Variants in CACNA2D3 observed in about 807,000 individuals in gnomAD.
CACNA2D3 encodes calcium voltage-gated channel auxiliary subunit alpha2delta 3.
CACNA2D3 carries 60 observed loss-of-function variants against 160.6 expected under a neutral mutation model. The ratio of observed to expected loss-of-function variants is 0.37; its 90% CI spans 0.30 to 0.46. The LOEUF (loss-of-function observed/expected upper bound fraction) is 0.46, where lower values mean the gene tolerates loss of function less well. Ranked by LOEUF, CACNA2D3 falls within the 20% of genes least tolerant of loss-of-function variation. The probability of loss-of-function intolerance (pLI) is 1.00; values close to 1 mark genes in which losing one functional copy is unlikely to be tolerated. For missense variants in CACNA2D3, 1,205 were observed against 1,365.0 expected (o/e 0.88, Z 1.85); for synonymous variants, 558 against 492.9 (o/e 1.13, Z -1.75).
At position 54,405,033 on chromosome 3, in the gene CACNA2D3, T is replaced by C. The variant is rs545250798; in HGVS notation, c.381+18259T>C. Among the ~76,000 whole-genome samples, 78 of 151,946 alleles carry C rather than the reference T, an allele frequency of 5.1e-4. No individual in the cohort carries two copies. In the Middle Eastern group the frequency reaches 0.01, roughly 20 times the overall value. On this transcript the variant is annotated intron_variant, in intron 4 of 37. Transcript: ENST00000474759. ...TGAAGAGGACACAAATAGAAAGATA[T>C]TTCATGCTCATGAATTGGAAGAATT...
At chr3:54,195,953 A>G (rs1440616344) in intron 2 of CACNA2D3, among the ~76,000 whole-genome samples, 1 of 152,204 alleles carries the variant, frequency 6.6e-6, no homozygotes, top group Non-Finnish European at 1.5e-5. Flanking sequence ...TTTAATAAAC[A>G]CTGAATTTTC....
chr3:54,444,050 C>T (rs1700184036), intron 4 of CACNA2D3, among the ~76,000 whole-genome samples: 3 of 152,244 alleles, frequency 2.0e-5, no homozygotes, highest in Admixed American at 6.5e-5. Context: ...AGTGGAGACC[C>T]GGGCCACATT....
chr3:54,466,782 G>A (rs1043357179), intron 4 of CACNA2D3, among the ~76,000 whole-genome samples: 2 of 152,348 alleles, frequency 1.3e-5, no homozygotes, highest in Non-Finnish European at 2.9e-5. Flanking sequence ...ATAATTATAA[G>A]TATAGCTAGA....
intron 13 of CACNA2D3, among the ~76,000 whole-genome samples, chr3:54,802,081 G>T (rs1703002942): frequency 6.6e-6 from 1 of 152,138 alleles, no homozygotes; most frequent in Non-Finnish European, 1.5e-5. Flanking sequence ...CTTACCCCCT[G>T]CAGGGTTATC....
At chr3:54,409,166 C>G (rs138386443) in intron 4 of CACNA2D3, among the ~76,000 whole-genome samples, 4 of 152,102 alleles carry the variant, frequency 2.6e-5, no homozygotes, top group African/African-American at 9.7e-5. Context: ...TTACTGGTGC[C>G]GTTTTTTCCA....
intron 2 of CACNA2D3, among the ~76,000 whole-genome samples, chr3:54,300,561 C>A (rs893716841): frequency 2.0e-5 from 3 of 152,206 alleles, no homozygotes; most frequent in Non-Finnish European, 2.9e-5. Context: ...TTCATTCATG[C>A]CTTTTCTCCC....
Position 55,015,908 on chromosome 3 carries a change from G to C in CACNA2D3, c.2876-2298G>C, listed in dbSNP as rs531023005. On this transcript the variant is annotated intron_variant, in intron 34 of 37. Transcript: ENST00000474759. ...GATGTTCCCACCACGTGCCTCTTCT[G>C]TGTTGTTACTGTTGGGCCTGGAGCA... is the stretch of plus-strand genomic sequence containing the variant. 1.7e-4 allele frequency among the ~76,000 whole-genome samples: 26 copies of C among 152,198 alleles called. 1 individual carries two copies. Among genetic ancestry groups the C allele is most frequent in the Admixed American group, 5.2e-4 (8 of 15,278 alleles).
intron 4 of CACNA2D3, among the ~76,000 whole-genome samples, chr3:54,412,080 A>G (rs1699676490): frequency 6.6e-6 from 1 of 152,194 alleles, no homozygotes; most frequent in African/African-American, 2.4e-5. Context: ...TGAACTTTAT[A>G]AAAAATAGAA....
At chr3:54,160,740 A>C (rs142721299) in intron 2 of CACNA2D3, among the ~76,000 whole-genome samples, 1 of 152,206 alleles carries the variant, frequency 6.6e-6, no homozygotes, top group African/African-American at 2.4e-5. Context: ...CGTTGTTTCA[A>C]GTTTTCTGTG....
At chr3:54,294,827 C>G (rs1417969276) in intron 2 of CACNA2D3, among the ~76,000 whole-genome samples, 1 of 152,144 alleles carries the variant, frequency 6.6e-6, no homozygotes, top group Non-Finnish European at 1.5e-5. Context: ...TGATCATTGG[C>G]TCTTGCCACT....
At chr3:54,593,060 G>A (rs1702890914) in intron 9 of CACNA2D3, among the ~76,000 whole-genome samples, 1 of 152,002 alleles carries the variant, frequency 6.6e-6, no homozygotes, top group Non-Finnish European at 1.5e-5. Context: ...AAACACCTAG[G>A]GAGACGAAGT....
chr3:54,542,992 C>G (rs1042770102), intron 5 of CACNA2D3, among the ~76,000 whole-genome samples: 2 of 152,326 alleles, frequency 1.3e-5, no homozygotes, highest in South Asian at 2.1e-4. Context: ...GACAAGCGAA[C>G]ACCTCATGTG....
chr3:54,880,379 T>G (rs527512576), intron 20 of CACNA2D3, among the ~76,000 whole-genome samples: 2 of 152,308 alleles, frequency 1.3e-5, no homozygotes, highest in Admixed American at 1.3e-4. Context: ...AAGTTTTTGT[T>G]TTTGCCCTTG....
At chr3:54,176,268 G>T (rs1431187417) in intron 2 of CACNA2D3, among the ~76,000 whole-genome samples, 1 of 152,172 alleles carries the variant, frequency 6.6e-6, no homozygotes, top group East Asian at 1.9e-4. Flanking sequence ...CCAGGATTCT[G>T]TTTTTCCAAA....
chr3:54,193,483 T>C (rs1701018463), intron 2 of CACNA2D3, among the ~76,000 whole-genome samples: 1 of 152,240 alleles, frequency 6.6e-6, no homozygotes, highest in Non-Finnish European at 1.5e-5. Flanking sequence ...TGAATTCTAA[T>C]TACCAGGTGC....
intron 21 of CACNA2D3, among the ~76,000 whole-genome samples, chr3:54,881,507 A>G (rs1029106732): frequency 6.6e-6 from 1 of 152,204 alleles, no homozygotes; most frequent in African/African-American, 2.4e-5. Context: ...TTTAAATTTT[A>G]AAATTGCTGT....
chr3:54,270,717 A>G (rs1702605065), intron 2 of CACNA2D3, among the ~76,000 whole-genome samples: 1 of 152,186 alleles, frequency 6.6e-6, no homozygotes, highest in South Asian at 2.1e-4. Context: ...ATACTCTTCC[A>G]TGTTCGTTCA....
intron 27 of CACNA2D3, chr3:54,924,540 T>G: frequency 1.7e-6 from 2 of 1,200,764 alleles, no homozygotes; most frequent in Admixed American, 2.0e-5. Flanking sequence ...CTCCACATTC[T>G]TTCTAATGCA....
intron 4 of CACNA2D3, among the ~76,000 whole-genome samples, chr3:54,484,864 G>C (rs1169110929): frequency 6.8e-6 from 1 of 146,168 alleles, no homozygotes; most frequent in African/African-American, 2.6e-5. Context: ...TTTTTTTTTG[G>C]GGGATGGAGT....
Sources: gnomAD v4.1 joint callset for allele counts (sites outside exome capture counted in the v4.1 genomes callset) on GRCh38, gnomAD v4.1.1 for gene constraint, MANE v1.5 for transcripts, NCBI Gene and HGNC (gene_info 2026-07-23, HGNC 2026-07-21) for gene names.